Variants in RNPEP observed in about 807,000 individuals in gnomAD.
The protein encoded by RNPEP is aminopeptidase B.
Under a neutral mutation model 70.1 loss-of-function variants are expected in RNPEP, and 57 were observed. The observed-to-expected ratio is 0.81, with a 90% CI of 0.66 to 1.01. The LOEUF (loss-of-function observed/expected upper bound fraction) is 1.01. Ranked by LOEUF, RNPEP falls within the 50% of genes least tolerant of loss-of-function variation. The pLI is 0.00. For synonymous variants in RNPEP, 335 were observed against 357.4 expected, an observed-to-expected ratio of 0.94 and a Z score of 0.71; for missense variants, 787 against 852.4, an observed-to-expected ratio of 0.92 and a Z score of 0.96.
chr1:202,000,207 G>A, intron 6 of RNPEP, 192 bp downstream of exon 6: 1 of 537,638 alleles, frequency 1.9e-6, no homozygotes. Flanking sequence ...CCAGATAGGA[G>A]TTCTGTCCAG....
At chr1:201,987,136 A>G (rs370666646) in intron 1 of RNPEP, among the ~76,000 whole-genome samples, 61 of 152,076 alleles carry the variant, frequency 4.0e-4, no homozygotes, top group Middle Eastern at 3.4e-3. Flanking sequence ...CTGCCTCCCC[A>G]ACTCTGCATC....
intron 5 of RNPEP, among the ~76,000 whole-genome samples, chr1:201,997,807 A>G (rs902793801): frequency 7.2e-6 from 1 of 138,050 alleles, no homozygotes; most frequent in Non-Finnish European, 1.5e-5. Context: ...CTTGTTGCCC[A>G]GGCTGGAGTG....
chr1:202,005,728 C>T lies in RNPEP; in HGVS notation c.*12C>T, dbSNP rs1684037829. 1.9e-6 allele frequency: 3 copies of T among 1,613,566 alleles called. No homozygotes were observed. The highest frequency in any genetic ancestry group is 1.7e-6 in the Non-Finnish European group (2 of 1,179,488). ...CCAAGGGCAGTTAGAGGCTCGTGTG[C>T]ATGGCCCCTGCCTCTTCAGGCTCTC... On this transcript the variant is annotated 3_prime_UTR_variant, in exon 11 of 11. Coordinates refer to ENST00000295640, the MANE Select transcript of RNPEP (RefSeq NM_020216.4).
intron 4 of RNPEP, 78 bp from the exon 5 acceptor site, chr1:201,997,241 A>G (rs1190096521): frequency 9.3e-7 from 1 of 1,077,168 alleles, no homozygotes; most frequent in African/African-American, 1.5e-5. Context: ...GGGCTTGGAA[A>G]TAGGCTGGAA....
Position 201,996,259 on chromosome 1 carries a change from G to T in RNPEP, c.850G>T (p.Gly284Ter). The change falls in exon 4 of 11, where the codon GGA (glycine) becomes TGA (stop). Residue 284 changes from glycine (G) to a stop codon, truncating the protein, a stop_gained. Coordinates refer to ENST00000295640, the MANE Select transcript of RNPEP (RefSeq NM_020216.4). LOFTEE classifies it high-confidence loss of function. ...GAAGCTTTTTGGACCTTATGTTTGG[G>T]GAAGGTGTGGTATCACATTGACTCT... ...GEKLFGPYVW[G>*]RYDLLFMPPS... The T allele has an allele frequency of 6.2e-7, 1 of 1,600,536 alleles. No homozygotes were observed. The highest frequency in any genetic ancestry group is 8.6e-7 in the Non-Finnish European group (1 of 1,167,598).
In RNPEP at chr1:201,997,471, T is replaced by G; in HGVS notation, c.1007T>G (p.Val336Gly). 1.2e-6 allele frequency: 2 copies of G among 1,614,126 alleles called. No homozygotes were observed. Among genetic ancestry groups the G allele is most frequent in the Non-Finnish European group, 1.7e-6 (2 of 1,180,026 alleles). Residue 336 changes from valine (V) to glycine (G), a missense_variant, in exon 5 of 11, where the codon GTC becomes GGC. By Grantham distance (109) the Val-to-Gly change is moderately radical. Transcript: ENST00000295640. Reference protein sequence around the residue: ...EISHSWFGNLVTNANWGEFWL... With the variant: ...EISHSWFGNLGTNANWGEFWL... ...TCCCACAGTTGGTTTGGGAACCTGG[T>G]CACCAACGCCAACTGGGGTGAATTC...
intron 5 of RNPEP, among the ~76,000 whole-genome samples, chr1:201,999,700 A>G (rs776027863): frequency 6.6e-6 from 1 of 152,208 alleles, no homozygotes; most frequent in Non-Finnish European, 1.5e-5. Context: ...CCACAGCAAC[A>G]GGGAGCTAGG....
rs1558256626 is a variant in RNPEP, at chr1:201,982,787, C to G, written c.121C>G (p.Leu41Val). The change falls in exon 1 of 11, where the codon CTG becomes GTG. Residue 41 changes from leucine (L) to valine (V), a missense_variant. By Grantham distance (32) the Leu-to-Val change is conservative (BLOSUM62 1). Coordinates refer to ENST00000295640, the MANE Select transcript of RNPEP (RefSeq NM_020216.4). ...GGCCTTTGAGCTGCTGCACTTGCAC[C>G]TGGACCTGCGGGCTGAGTTCGGGCC... is the stretch of plus-strand genomic sequence containing the variant. ...FRAFELLHLH[L>V]DLRAEFGPPG... The G allele has an allele frequency of 7.4e-7, 1 of 1,353,310 alleles. No homozygotes were observed. The highest frequency in any genetic ancestry group is 9.5e-7 in the Non-Finnish European group (1 of 1,051,988). The allele number at this position is 1,353,310 out of a possible 1,614,324, so 83.8% of individuals were successfully genotyped here.
At position 202,001,474 on chromosome 1, in the gene RNPEP, G is replaced by C; in HGVS notation, c.1303G>C (p.Asp435His). The C allele has an allele frequency of 6.2e-7, 1 of 1,611,596 alleles. No individual in the cohort carries two copies. Among genetic ancestry groups the C allele is most frequent in the Non-Finnish European group, 8.5e-7 (1 of 1,177,696 alleles). Residue 435 changes from aspartate to histidine, a missense_variant, in exon 7 of 11, where the codon GAC becomes CAC. Coordinates refer to ENST00000295640, the MANE Select transcript of RNPEP (RefSeq NM_020216.4). ...CTTGGTGGGTGATCAGGATCAGTTTGACAGTTTTCTCAAGGTATAGTCACA... is the reference window on the plus strand; with the variant it reads ...CTTGGTGGGTGATCAGGATCAGTTTCACAGTTTTCTCAAGGTATAGTCACA... Reference protein sequence around the residue: ...AHLVGDQDQFDSFLKAYVHEF... With the variant: ...AHLVGDQDQFHSFLKAYVHEF...
intron 5 of RNPEP, 89 bp from the exon 6 acceptor site, chr1:201,999,813 A>G (rs1683715082): frequency 3.0e-6 from 3 of 1,001,952 alleles, no homozygotes; most frequent in Non-Finnish European, 4.5e-6. Flanking sequence ...TTGAGGCCAC[A>G]AGGAGGCAGC....
chr1:202,002,999 AAC>A lies in RNPEP; in HGVS notation c.1427-234_1427-233del, dbSNP rs369993441. On this transcript the variant is annotated intron_variant, in intron 8 of 10. Coordinates refer to ENST00000295640, the MANE Select transcript of RNPEP (RefSeq NM_020216.4). ...GAGCATCCACCAACTTGGCTCTGAC[AAC>A]ACAGTGCTAATTTGGAGCGAAAAGC... The A allele has an allele frequency of 1.1e-3, 515 of 486,636 alleles. No homozygotes were observed. The Middle Eastern group carries it at 0.016, about 16-fold the overall frequency. 30.1% of individuals were successfully genotyped at this position (486,636 alleles called of 1,614,324 possible).
rs372778027 is a variant in RNPEP at position 201,999,884 on chromosome 1, C to A, written c.1091-18C>A. On this transcript the variant is annotated intron_variant, in intron 5 of 10. Transcript: ENST00000295640. ...GTGACAGACGTTTTCCCGAGGCTTA[C>A]GTTTGATTCTGCACCAGGCGCTGCG... 9 of 1,602,894 alleles carry A rather than the reference C, an allele frequency of 5.6e-6. No individual in the cohort carries two copies. The Admixed American group carries it at 1.5e-4, about 27-fold the overall frequency.
At chr1:201,994,833 A>ATTTTTTTT (rs34077790) in intron 3 of RNPEP, among the ~76,000 whole-genome samples, 1 of 85,208 alleles carries the variant, frequency 1.2e-5, no homozygotes, top group Non-Finnish European at 2.2e-5. Flanking sequence ...TGTCCTGCTA[A>ATTTTTTTT]TTTTTTTTTT....
At chr1:202,000,243 C>T (rs1163368515) in intron 6 of RNPEP, 4 of 426,814 alleles carry the variant, frequency 9.4e-6, no homozygotes, top group Non-Finnish European at 1.7e-5. Flanking sequence ...ATGACTTCAC[C>T]ATTGCTTTGC....
rs1683592389 is a variant in RNPEP, at chr1:201,997,346, C to T, written c.882C>T (p.Ser294=). ...GRYDLLFMPP[S]FPFGGMENPC... is the part of the protein sequence containing the mutation. ...ATGACTTGCTCTTCATGCCACCGTC[C>T]TTTCCATTTGGAGGAATGGAGAACC... Residue 294 remains serine, a synonymous_variant, in exon 5 of 11, where the codon TCC becomes TCT. Transcript: ENST00000295640. 9.3e-6 allele frequency: 15 copies of T among 1,614,192 alleles called. No individual in the cohort carries two copies. Among genetic ancestry groups the T allele is most frequent in the Non-Finnish European group, 1.2e-5 (14 of 1,180,024 alleles).
At position 201,999,884 on chromosome 1, in the gene RNPEP, C is replaced by G. The variant is rs372778027; in HGVS notation, c.1091-18C>G. 13 of 1,602,894 alleles carry G rather than the reference C, an allele frequency of 8.1e-6. No homozygotes were observed. Among genetic ancestry groups the G allele is most frequent in the Middle Eastern group, 3.3e-4 (2 of 5,974 alleles). On this transcript the variant is annotated intron_variant, in intron 5 of 10. Transcript: ENST00000295640. ...GTGACAGACGTTTTCCCGAGGCTTA[C>G]GTTTGATTCTGCACCAGGCGCTGCG... is the stretch of plus-strand genomic sequence containing the variant.
chr1:202,004,890 G>T (rs1045566673), intron 10 of RNPEP, among the ~76,000 whole-genome samples: 10 of 152,344 alleles, frequency 6.6e-5, no homozygotes, highest in Admixed American at 3.3e-4. Flanking sequence ...GCATGATCGG[G>T]ACAGCAGCCA....
At chr1:201,990,860 C>T (rs550683389) in intron 3 of RNPEP, among the ~76,000 whole-genome samples, 3 of 152,262 alleles carry the variant, frequency 2.0e-5, no homozygotes, top group South Asian at 4.1e-4. Flanking sequence ...AGTAAAGGAA[C>T]GTCGTTTCCA....
At chr1:201,993,778 C>A (rs1403419557) in intron 3 of RNPEP, among the ~76,000 whole-genome samples, 1 of 152,104 alleles carries the variant, frequency 6.6e-6, no homozygotes, top group Admixed American at 6.6e-5. Flanking sequence ...GACTCCGTCT[C>A]AACAAACAAA....
Sources: allele counts gnomAD v4.1 joint callset (sites outside exome capture counted in the v4.1 genomes callset), GRCh38; gene constraint gnomAD v4.1.1; transcripts MANE v1.5; gene names NCBI Gene and HGNC (gene_info 2026-07-23, HGNC 2026-07-21).